The following MUC17 variants were observed in gnomAD, a reference collection of about 807,000 sequenced individuals.
MUC17 encodes the protein mucin-17.
Under a neutral mutation model 170.3 loss-of-function variants are expected in MUC17, and 190 were observed. That is an observed-to-expected ratio of 1.12 (90% CI 0.99 to 1.26). The LOEUF (loss-of-function observed/expected upper bound fraction) is 1.26, where lower values mean the gene tolerates loss of function less well. MUC17 is among the 50% of genes most tolerant of loss of function. MUC17 has a pLI of 0.00. For missense variants in MUC17, 6,415 were observed against 5,530.0 expected, an observed-to-expected ratio of 1.16 and a Z score of -5.08; for synonymous variants, 2,325 against 2,002.5, an observed-to-expected ratio of 1.16 and a Z score of -4.30.
Position 101,036,755 on chromosome 7 carries a change from T to C in MUC17, c.5339T>C (p.Val1780Ala), listed in dbSNP as rs182021493. The change falls in exon 3 of 13, where the codon GTG (valine) becomes GCG (alanine). Residue 1780 changes from valine to alanine, a missense_variant. Coordinates refer to ENST00000306151, the MANE Select transcript of MUC17 (RefSeq NM_001040105.2). ...SATPIDTSTP[V>A]TTSTEATSSP... ...ACTCCTATTGACACCAGCACCCCTG[T>C]GACCACTTCTACTGAAGCCACTTCG... 4 of 1,612,376 alleles carry C rather than the reference T, an allele frequency of 2.5e-6. No individual in the cohort carries two copies. The highest frequency in any genetic ancestry group is 3.4e-6 in the Non-Finnish European group (4 of 1,179,554).
chr7:101,041,587 A>C lies in MUC17; in HGVS notation c.10171A>C (p.Thr3391Pro), dbSNP rs143152330. The C allele has an allele frequency of 2.5e-6, 4 of 1,612,554 alleles. No individual in the cohort carries two copies. The highest frequency in any genetic ancestry group is 1.1e-5 in the South Asian group (1 of 91,034). ...AACTGCTGAAGGTACCAGCATACCA[A>C]CCTCAAGTCCTAGTGAAGGAACCAC... ...PTTAEGTSIPTSSPSEGTTPL... is the reference protein window; with the variant it reads ...PTTAEGTSIPPSSPSEGTTPL... Residue 3391 changes from threonine to proline, a missense_variant, in exon 3 of 13, where the codon ACC (threonine) becomes CCC (proline). Transcript: ENST00000306151.
chr7:101,053,210 C>T, intron 10 of MUC17, 63 bp downstream of exon 10: 3 of 1,592,360 alleles, frequency 1.9e-6, no homozygotes, highest in Non-Finnish European at 2.6e-6. Flanking sequence ...CCTCTGAACC[C>T]TCTGTCTCTA....
chr7:101,052,920 C>A, intron 9 of MUC17, 66 bp from the exon 10 acceptor site: 2 of 1,558,030 alleles, frequency 1.3e-6, no homozygotes, highest in Non-Finnish European at 1.7e-6. Flanking sequence ...CTGGGCAGGG[C>A]CCAGGTCTGA....
At chr7:101,044,110 G>T (rs1486193821) in intron 3 of MUC17, among the ~76,000 whole-genome samples, 1 of 152,124 alleles carries the variant, frequency 6.6e-6, no homozygotes, top group Non-Finnish European at 1.5e-5. Flanking sequence ...CTGTCCTTGT[G>T]ATAGTTTGCT....
rs1362083711 is a variant in MUC17 at position 101,050,620 on chromosome 7, A to G, written c.12859A>G (p.Asn4287Asp). 5.0e-6 allele frequency: 8 copies of G among 1,613,972 alleles called. No homozygotes were observed. Among genetic ancestry groups the G allele is most frequent in the South Asian group, 1.1e-5 (1 of 91,052 alleles). Residue 4287 changes from asparagine (N) to aspartate (D), a missense_variant, in exon 7 of 13, where the codon AAT (asparagine) becomes GAT (aspartate). Coordinates refer to ENST00000306151, the MANE Select transcript of MUC17 (RefSeq NM_001040105.2). Reference sequence around the variant, plus strand: ...AGTGACCACACAGCAAATAATGATTAATGATATTTGCTCAGGTGAACTCTG... The same window carrying G: ...AGTGACCACACAGCAAATAATGATTGATGATATTTGCTCAGGTGAACTCTG... Reference protein sequence around the residue: ...TKVTTQQIMINDICSDMMCFN... With the variant: ...TKVTTQQIMIDDICSDMMCFN...
chr7:101,055,249 A>AT (rs200053131), intron 11 of MUC17, among the ~76,000 whole-genome samples: 7 of 151,988 alleles, frequency 4.6e-5, no homozygotes, highest in African/African-American at 9.7e-5. Context: ...TTTAAAAAGG[A>AT]TTTTTTTAAA....
At chr7:101,056,644 T>C (rs1319427830) in intron 12 of MUC17, among the ~76,000 whole-genome samples, 2 of 152,228 alleles carry the variant, frequency 1.3e-5, no homozygotes, top group African/African-American at 4.8e-5. Context: ...ACATGCCATA[T>C]GTTTCTTTCT....
rs772114947 is a variant in MUC17 at position 101,041,075 on chromosome 7, G to T, written c.9659G>T (p.Gly3220Val). ...ATTCCAACCTCAACTCCTAGTGAAG[G>T]AATGACTCCATTAACTAGTGTACCT... ...TSIPTSTPSEGMTPLTSVPVS... is the reference protein window; with the variant it reads ...TSIPTSTPSEVMTPLTSVPVS... Residue 3220 changes from glycine to valine, a missense_variant, in exon 3 of 13, where the codon GGA (glycine) becomes GTA (valine). Transcript: ENST00000306151. 6.2e-7 allele frequency: 1 copy of T among 1,613,500 alleles called. No individual in the cohort carries two copies. The highest frequency in any genetic ancestry group is 8.5e-7 in the Non-Finnish European group (1 of 1,179,974).
Position 101,040,682 on chromosome 7 carries a change from C to A in MUC17, c.9266C>A (p.Pro3089His), listed in dbSNP as rs763095345. 6.2e-7 allele frequency: 1 copy of A among 1,613,244 alleles called. No individual in the cohort carries two copies. Among genetic ancestry groups the A allele is most frequent in the Non-Finnish European group, 8.5e-7 (1 of 1,179,748 alleles). Residue 3089 changes from proline (P) to histidine (H), a missense_variant, in exon 3 of 13, where the codon CCT (proline) becomes CAT (histidine). Physicochemically the swap from Pro to His is moderately conservative, Grantham distance 77 (BLOSUM62 -2). Transcript: ENST00000306151. ...TSTEVSSSPT[P>H]AEGTSMPIST... ...ACTGAAGTCAGTTCATCTCCTACAC[C>A]TGCTGAAGGTACCAGCATGCCAATC...
chr7:101,043,730 T>C lies in MUC17; in HGVS notation c.12314T>C (p.Phe4105Ser), dbSNP rs745308355. Residue 4105 changes from phenylalanine (F) to serine (S), a missense_variant, in exon 3 of 13, where the codon TTC becomes TCC. Physicochemically the swap from Phe to Ser is radical, Grantham distance 155. Transcript: ENST00000306151. The stretch of plus-strand genomic sequence containing the variant: ...AAACCCAGCACACGGACCACTTCCT[T>C]CCCCACGGTGACCACCACCGCTGTC... ...RTKPSTRTTS[F>S]PTVTTTAVPT... 1.9e-6 allele frequency: 3 copies of C among 1,613,938 alleles called. No individual in the cohort carries two copies. The highest frequency in any genetic ancestry group is 1.7e-5 in the Admixed American group (1 of 59,996).
At chr7:101,031,092 G>A (rs778820128) in intron 1 of MUC17, 28 bp from the exon 2 acceptor site, 41 of 1,592,704 alleles carry the variant, frequency 2.6e-5, no homozygotes, top group Non-Finnish European at 3.1e-5. Flanking sequence ...ATGGCTCTGG[G>A]ATACTAACTC....
In MUC17 at chr7:101,043,090, G is replaced by C. The variant is rs764245216; in HGVS notation, c.11674G>C (p.Ala3892Pro). ...STTLPTSFPG[A>P]SIASTPPLDT... ...CACACTTCCAACTAGCTTTCCTGGG[G>C]CCAGCATAGCTTCGACACCTCCTCT... Residue 3892 changes from alanine (A) to proline (P), a missense_variant, in exon 3 of 13, where the codon GCC (alanine) becomes CCC (proline). By Grantham distance (27) the Ala-to-Pro change is conservative. Transcript: ENST00000306151. 57 of 1,613,980 alleles carry C rather than the reference G, an allele frequency of 3.5e-5. No individual in the cohort carries two copies. The highest frequency in any genetic ancestry group is 4.6e-5 in the Non-Finnish European group (54 of 1,180,022).
chr7:101,040,265 C>T lies in MUC17; in HGVS notation c.8849C>T (p.Thr2950Ile). 2.5e-6 allele frequency: 4 copies of T among 1,608,974 alleles called. No homozygotes were observed. Among genetic ancestry groups the T allele is most frequent in the Non-Finnish European group, 3.4e-6 (4 of 1,177,810 alleles). ...GGTTCTGAGGCTAGCACCCTTTCAACAACTCCTGTTGACACCAGGACACCT... is the reference window on the plus strand; with the variant it reads ...GGTTCTGAGGCTAGCACCCTTTCAATAACTCCTGTTGACACCAGGACACCT... ...VAGSEASTLS[T>I]TPVDTRTPVT... The change falls in exon 3 of 13, where the codon ACA (threonine) becomes ATA (isoleucine). Residue 2950 changes from threonine (T) to isoleucine (I), a missense_variant. Coordinates refer to ENST00000306151, the MANE Select transcript of MUC17 (RefSeq NM_001040105.2).
At position 101,043,048 on chromosome 7, in the gene MUC17, A is replaced by T; in HGVS notation, c.11632A>T (p.Thr3878Ser). 2.5e-6 allele frequency: 4 copies of T among 1,613,538 alleles called. No homozygotes were observed. Among genetic ancestry groups the T allele is most frequent in the Admixed American group, 1.7e-5 (1 of 59,940 alleles). ...CAGTGAAAGAAGCACTCCATTAACA[A>T]CTCTCCTTGTCAGCACCACACTTCC... ...ITSERSTPLT[T>S]LLVSTTLPTS... is the part of the protein sequence containing the mutation. The change falls in exon 3 of 13, where the codon ACT (threonine) becomes TCT (serine). Residue 3878 changes from threonine to serine, a missense_variant. Transcript: ENST00000306151.
chr7:101,053,465 T>C (rs1385010756), intron 11 of MUC17, 29 bp downstream of exon 11: 3 of 1,575,912 alleles, frequency 1.9e-6, no homozygotes, highest in Non-Finnish European at 1.7e-6. Flanking sequence ...GAACTCAGAA[T>C]GGCTCAAAAT....
rs188786281 is a variant in MUC17 at position 101,026,152 on chromosome 7, A to C, written c.83-4968A>C. ...TTCCCTCTGACTCCACCCTCTTCCC[A>C]CCTCTTAGGGGTCAGTGGATCAGGG... is the stretch of plus-strand genomic sequence containing the variant. On this transcript the variant is annotated intron_variant, in intron 1 of 12. Transcript: ENST00000306151. Among the ~76,000 whole-genome samples, 769 of 151,786 alleles carry C rather than the reference A, an allele frequency of 5.1e-3. 10 individuals are homozygous for C. The highest frequency in any genetic ancestry group is 0.018 in the African/African-American group (743 of 41,386).
rs761440085 is a variant in MUC17, at chr7:101,052,006, G to C, written c.13103+44G>C. 1.9e-6 allele frequency: 3 copies of C among 1,583,062 alleles called. No individual in the cohort carries two copies. In the South Asian group the frequency reaches 3.5e-5, roughly 18 times the overall value. ...CCTCCAGCCCAGCCCAGACGTCCTG[G>C]TCCTCCCCTCCCCTGCAGGGCTTCA... On this transcript the variant is annotated intron_variant, in intron 9 of 12. Transcript: ENST00000306151.
chr7:101,031,030 T>C lies in MUC17; in HGVS notation c.83-90T>C. Reference sequence around the variant, plus strand: ...CAGGCTGGTTCAGGGGCCAGGGACTTTCCAGGGCAGGGAGTAGAGACTCAG... The same window carrying C: ...CAGGCTGGTTCAGGGGCCAGGGACTCTCCAGGGCAGGGAGTAGAGACTCAG... On this transcript the variant is annotated intron_variant, in intron 1 of 12. Coordinates refer to ENST00000306151, the MANE Select transcript of MUC17 (RefSeq NM_001040105.2). 2 of 1,446,906 alleles carry C rather than the reference T, an allele frequency of 1.4e-6. 1 individual carries two copies. Among genetic ancestry groups the C allele is most frequent in the South Asian group, 3.1e-5 (2 of 63,656 alleles). The allele number at this position is 1,446,906 out of a possible 1,614,324, so 89.6% of individuals were successfully genotyped here.
rs200871012 is a variant in MUC17 at position 101,031,618 on chromosome 7, G to A, written c.202G>A (p.Ala68Thr). 1.2e-4 allele frequency: 187 copies of A among 1,533,626 alleles called. No homozygotes were observed. The highest frequency in any genetic ancestry group is 1.6e-4 in the Non-Finnish European group (184 of 1,142,486). The change falls in exon 3 of 13, where the codon GCC (alanine) becomes ACC (threonine). Residue 68 changes from alanine (A) to threonine (T), a missense_variant. Physicochemically the swap from Ala to Thr is moderately conservative, Grantham distance 58. Coordinates refer to ENST00000306151, the MANE Select transcript of MUC17 (RefSeq NM_001040105.2). ...HVRTGSAANTATGTTSTNVVE... is the reference protein window; with the variant it reads ...HVRTGSAANTTTGTTSTNVVE... ...TTAAACAGGTTCTGCGGCAAACACCGCCACAGGTACAACATCTACAAATGT... is the reference window on the plus strand; with the variant it reads ...TTAAACAGGTTCTGCGGCAAACACCACCACAGGTACAACATCTACAAATGT...
Sources: gnomAD v4.1 joint callset for allele counts (sites outside exome capture counted in the v4.1 genomes callset) on GRCh38, gnomAD v4.1.1 for gene constraint, MANE v1.5 for transcripts, NCBI Gene and HGNC (gene_info 2026-07-23, HGNC 2026-07-21) for gene names.